The following ZC3H18 variants were observed in gnomAD, a reference collection of about 807,000 sequenced individuals.
The protein encoded by ZC3H18 is zinc finger CCCH domain-containing protein 18.
ZC3H18 carries 8 observed loss-of-function variants against 106.1 expected under a neutral mutation model. The observed-to-expected ratio is 0.08, with a 90% CI of 0.04 to 0.14. ZC3H18 has a LOEUF of 0.14. ZC3H18 is among the 10% of genes least tolerant of loss of function. The probability of loss-of-function intolerance (pLI) is 1.00; values close to 1 mark genes in which losing one functional copy is unlikely to be tolerated. For missense variants in ZC3H18, 1,318 were observed against 1,278.4 expected, an observed-to-expected ratio of 1.03 and a Z score of -0.47; for synonymous variants, 635 against 522.1, an observed-to-expected ratio of 1.22 and a Z score of -2.95.
At chr16:88,572,399 G>GTTCACGCCTTTCTC (rs1293698414) in intron 1 of ZC3H18, among the ~76,000 whole-genome samples, 11 of 151,864 alleles carry the variant, frequency 7.2e-5, no homozygotes, top group Non-Finnish European at 1.0e-4. Context: ...CTCCTCCTGG[G>GTTCACGCCTTTCTC]CACTTATTTT....
intron 13 of ZC3H18, chr16:88,626,283 GGT>G (rs1275707303): frequency 6.6e-6 from 1 of 152,068 alleles, no homozygotes; most frequent in African/African-American, 2.4e-5. Flanking sequence ...TGGGTATAGT[GGT>G]GTGTGCCTAT....
intron 3 of ZC3H18, chr16:88,587,623 A>G: frequency 6.5e-7 from 1 of 1,533,750 alleles, no homozygotes; most frequent in Non-Finnish European, 8.7e-7. Flanking sequence ...GGTACAAAAT[A>G]CGCTATATTC....
chr16:88,594,028 A>G (rs1255562878), intron 3 of ZC3H18, among the ~76,000 whole-genome samples: 1 of 152,192 alleles, frequency 6.6e-6, no homozygotes, highest in African/African-American at 2.4e-5. Context: ...GTGCGGTGTC[A>G]GGGAGAAGCT....
At position 88,624,669 on chromosome 16, in the gene ZC3H18, G is replaced by A. The variant is rs777299566; in HGVS notation, c.1966G>A (p.Val656Ile). Reference protein sequence around the residue: ...PPQATKTTAPVPEPTKPGDPR... With the variant: ...PPQATKTTAPIPEPTKPGDPR... ...ACAGGCCACCAAAACCACTGCTCCT[G>A]TCCCCGAGCCCACCAAGCCAGGAGA... Residue 656 changes from valine to isoleucine, a missense_variant, in exon 12 of 18, where the codon GTC (valine) becomes ATC (isoleucine). Coordinates refer to ENST00000301011, the MANE Select transcript of ZC3H18 (RefSeq NM_144604.4). 3.7e-6 allele frequency: 6 copies of A among 1,613,818 alleles called. No individual in the cohort carries two copies. Among genetic ancestry groups the A allele is most frequent in the East Asian group, 2.2e-5 (1 of 44,884 alleles).
chr16:88,571,806 T>C, intron 1 of ZC3H18: 1 of 333,908 alleles, frequency 3.0e-6, no homozygotes. Context: ...GTGGGGTCTG[T>C]CACCAACCTT....
chr16:88,604,135 T>G (rs2142712223), intron 6 of ZC3H18, among the ~76,000 whole-genome samples: 1 of 152,238 alleles, frequency 6.6e-6, no homozygotes, highest in South Asian at 2.1e-4. Flanking sequence ...GCAGATCAGT[T>G]GAGCTCGGGA....
intron 1 of ZC3H18, among the ~76,000 whole-genome samples, chr16:88,575,409 C>A (rs186671103): frequency 6.6e-6 from 1 of 151,958 alleles, no homozygotes; most frequent in African/African-American, 2.4e-5. Context: ...CCGTGACATA[C>A]GTTATTTTAA....
chr16:88,598,145 G>T, intron 3 of ZC3H18, 33 bp from the exon 4 acceptor site: 1 of 1,541,060 alleles, frequency 6.5e-7, no homozygotes. Context: ...AGGCTCTTGT[G>T]GACCCTTTCT....
intron 6 of ZC3H18, among the ~76,000 whole-genome samples, chr16:88,603,633 T>C (rs1254296489): frequency 6.7e-6 from 1 of 149,182 alleles, no homozygotes; most frequent in Non-Finnish European, 1.5e-5. Flanking sequence ...CTTTTTTTTT[T>C]TTTTTTTGAG....
chr16:88,587,670 G>A (rs1202263994), intron 3 of ZC3H18: 30 of 1,450,118 alleles, frequency 2.1e-5, no homozygotes, highest in African/African-American at 2.8e-5. Flanking sequence ...CTACTCCAGA[G>A]GCCAGACTTC....
At chr16:88,575,459 G>A (rs910103154) in intron 1 of ZC3H18, among the ~76,000 whole-genome samples, 4 of 151,950 alleles carry the variant, frequency 2.6e-5, no homozygotes, top group Admixed American at 2.6e-4. Context: ...CGCTGACCTG[G>A]CACTGTCCCT....
intron 3 of ZC3H18, among the ~76,000 whole-genome samples, chr16:88,596,091 G>A (rs922926210): frequency 6.6e-6 from 1 of 152,156 alleles, no homozygotes; most frequent in African/African-American, 2.4e-5. Context: ...CCGGGCAGGT[G>A]GCTCCCGAGA....
intron 3 of ZC3H18, among the ~76,000 whole-genome samples, chr16:88,587,796 A>G (rs909521947): frequency 6.6e-6 from 1 of 152,084 alleles, no homozygotes; most frequent in African/African-American, 2.4e-5. Context: ...AGCATCGGGG[A>G]CAGGCAGGAC....
intron 8 of ZC3H18, 52 bp from the exon 9 acceptor site, chr16:88,622,145 T>TGCTGTGAAGCTGTGAA: frequency 1.3e-6 from 2 of 1,559,156 alleles, no homozygotes; most frequent in Non-Finnish European, 1.7e-6. Flanking sequence ...CACCTGGCAT[T>TGCTGTGAAGCTGTGAA]GCTGTGAAGC....
intron 1 of ZC3H18, among the ~76,000 whole-genome samples, chr16:88,571,075 C>T (rs1465011488): frequency 6.6e-6 from 1 of 152,226 alleles, no homozygotes; most frequent in Admixed American, 6.5e-5. Context: ...GCGCGCCGGT[C>T]TCTTAGGAGT....
intron 11 of ZC3H18, 129 bp from the exon 12 acceptor site, chr16:88,624,473 C>A: frequency 1.6e-6 from 2 of 1,222,044 alleles, no homozygotes; most frequent in Non-Finnish European, 2.3e-6. Flanking sequence ...TGTCCAGGCA[C>A]GAGCGTGCTC....
intron 3 of ZC3H18, among the ~76,000 whole-genome samples, chr16:88,593,688 G>C (rs8058296): frequency 1 from 152,291 of 152,294 alleles, 76,144 homozygotes; most frequent in Non-Finnish European, 1. Flanking sequence ...AGCACACATT[G>C]ATGAGAAAGA....
chr16:88,625,149 C>T lies in ZC3H18; in HGVS notation c.2043-53C>T, dbSNP rs113586175. ...GGCTGCTGGTGGGGAGGGGAGGCCG[C>T]GAGGGGCTGTGGAGGCCACGCCCCC... On this transcript the variant is annotated intron_variant, in intron 12 of 17. Coordinates refer to ENST00000301011, the MANE Select transcript of ZC3H18 (RefSeq NM_144604.4). 52 of 1,548,090 alleles carry T rather than the reference C, an allele frequency of 3.4e-5. No individual in the cohort carries two copies. In the Admixed American group the frequency reaches 4.9e-4, roughly 15 times the overall value.
intron 15 of ZC3H18, 69 bp downstream of exon 15, chr16:88,628,188 G>A: frequency 6.4e-7 from 1 of 1,560,612 alleles, no homozygotes; most frequent in Non-Finnish European, 8.7e-7. Flanking sequence ...TCCTGAGACA[G>A]CTTCCTCCTG....
Sources: gnomAD v4.1 joint callset for allele counts (sites outside exome capture counted in the v4.1 genomes callset) on GRCh38, gnomAD v4.1.1 for gene constraint, MANE v1.5 for transcripts, NCBI Gene and HGNC (gene_info 2026-07-23, HGNC 2026-07-21) for gene names.